Variants in KCNK9 observed in about 807,000 individuals in gnomAD.
KCNK9 encodes potassium channel subfamily K member 9.
In KCNK9, 1 loss-of-function variant was observed where a neutral mutation model predicts 10.8. The ratio of observed to expected loss-of-function variants is 0.09; its 90% CI spans 0.03 to 0.44. KCNK9 has a LOEUF of 0.44. KCNK9 is among the 20% of genes least tolerant of loss of function. The pLI is 0.97. For synonymous variants in KCNK9, 231 were observed against 222.7 expected, an observed-to-expected ratio of 1.04 and a Z score of -0.33; for missense variants, 303 against 515.0, an observed-to-expected ratio of 0.59 and a Z score of 3.98.
At chr8:139,657,117 T>A (rs1816043400) in intron 1 of KCNK9, among the ~76,000 whole-genome samples, 1 of 152,174 alleles carries the variant, frequency 6.6e-6, no homozygotes, top group Non-Finnish European at 1.5e-5. Context: ...GCTCCAAGCT[T>A]GCTGCCCTCA....
At chr8:139,679,747 A>G (rs533128133) in intron 1 of KCNK9, among the ~76,000 whole-genome samples, 1 of 152,174 alleles carries the variant, frequency 6.6e-6, no homozygotes, top group African/African-American at 2.4e-5. Context: ...CGGAAGGAGA[A>G]GCTAGAGAGG....
chr8:139,634,565 G>T (rs997789714), intron 1 of KCNK9, among the ~76,000 whole-genome samples: 3 of 152,158 alleles, frequency 2.0e-5, no homozygotes, highest in Non-Finnish European at 2.9e-5. Flanking sequence ...GATTCTCCAT[G>T]AGGGCAGGGC....
In KCNK9 at chr8:139,686,405, A is replaced by G. The variant is rs188850515; in HGVS notation, c.283+16305T>C. Among the ~76,000 whole-genome samples, 1,086 of 152,254 alleles carry G rather than the reference A, an allele frequency of 7.1e-3. 14 individuals are homozygous for G. The highest frequency in any genetic ancestry group is 0.025 in the African/African-American group (1,036 of 41,536). ...TATCCAGAATCTACAAAGAACTTAA[A>G]CAAATTTACAAGAAAAAAACAAACA... On this transcript the variant is annotated intron_variant, in intron 1 of 1. Coordinates refer to ENST00000520439, the MANE Select transcript of KCNK9 (RefSeq NM_001282534.2).
intron 1 of KCNK9, among the ~76,000 whole-genome samples, chr8:139,651,169 C>G (rs1303861135): frequency 6.6e-6 from 1 of 152,208 alleles, no homozygotes; most frequent in Non-Finnish European, 1.5e-5. Context: ...AGGAAATTCC[C>G]TCTAGCAGTT....
chr8:139,603,237 G>C (rs902869017), intron 2 of KCNK9, among the ~76,000 whole-genome samples: 4 of 152,174 alleles, frequency 2.6e-5, no homozygotes, highest in Non-Finnish European at 4.4e-5. Flanking sequence ...TCTCCCACCT[G>C]CCCCCCAATT....
intron 1 of KCNK9, among the ~76,000 whole-genome samples, chr8:139,636,781 C>A (rs1191646991): frequency 6.6e-6 from 1 of 152,152 alleles, no homozygotes; most frequent in Admixed American, 6.5e-5. Flanking sequence ...AGGTTTATGG[C>A]ATTTGAACCT....
chr8:139,633,702 G>T (rs1586648522), intron 1 of KCNK9, among the ~76,000 whole-genome samples: 1 of 152,190 alleles, frequency 6.6e-6, no homozygotes, highest in South Asian at 2.1e-4. Context: ...AAAAACCCAG[G>T]CTGCGCGAGG....
intron 1 of KCNK9, among the ~76,000 whole-genome samples, chr8:139,639,550 T>C (rs1389885943): frequency 6.6e-6 from 1 of 152,304 alleles, no homozygotes; most frequent in South Asian, 2.1e-4. Context: ...TGCAAAGCCA[T>C]TTGCCCTGCA....
rs1342805203 is a variant in KCNK9 at position 139,687,502 on chromosome 8, A to G, written c.283+15208T>C. ...TGTATACATATATACACATATATACATATATATGTATACACATATATTCAT... is the reference window on the plus strand; with the variant it reads ...TGTATACATATATACACATATATACGTATATATGTATACACATATATTCAT... On this transcript the variant is annotated intron_variant, in intron 1 of 1. Coordinates refer to ENST00000520439, the MANE Select transcript of KCNK9 (RefSeq NM_001282534.2). Among the ~76,000 whole-genome samples the G allele has an allele frequency of 6.5e-3, 245 of 37,556 alleles. 61 individuals are homozygous for G. The highest frequency in any genetic ancestry group is 0.017 in the African/African-American group (226 of 13,130). The allele number at this position is 37,556 out of a possible 152,430, so 24.6% of individuals were successfully genotyped here. A position where few individuals can be genotyped will look rare whatever the true frequency, so the allele number is the denominator to read the frequency against.
intron 1 of KCNK9, among the ~76,000 whole-genome samples, chr8:139,635,740 GA>G (rs373609957): frequency 1.3e-5 from 2 of 151,978 alleles, no homozygotes; most frequent in Middle Eastern, 3.4e-3. Flanking sequence ...AGAAGCAGGG[GA>G]AAAAAAATCA....
chr8:139,687,483 CATATAT>C lies in KCNK9; in HGVS notation c.283+15221_283+15226del, dbSNP rs1816827214. On this transcript the variant is annotated intron_variant, in intron 1 of 1. Transcript: ENST00000520439. ...ATTCATATATTCATATATATGTATA[CATATAT>C]ACACATATATACATATATATGTATA... 3.0e-5 allele frequency among the ~76,000 whole-genome samples: 2 copies of C among 66,068 alleles called. 1 individual carries two copies. Among genetic ancestry groups the C allele is most frequent in the African/African-American group, 1.1e-4 (2 of 17,616 alleles). The allele number at this position is 66,068 out of a possible 152,430, so 43.3% of individuals were successfully genotyped here.
intron 1 of KCNK9, among the ~76,000 whole-genome samples, chr8:139,688,821 C>G (rs540711635): frequency 1.0e-3 from 156 of 152,336 alleles, no homozygotes; most frequent in African/African-American, 3.6e-3. Flanking sequence ...TGAGTGACTT[C>G]TATGTGATGG....
At chr8:139,604,484 C>G (rs1817442788) in intron 2 of KCNK9, among the ~76,000 whole-genome samples, 1 of 152,146 alleles carries the variant, frequency 6.6e-6, no homozygotes, top group Non-Finnish European at 1.5e-5. Context: ...GCGGGCGCAT[C>G]TGCACGCCAT....
chr8:139,631,856 CT>C (rs1184774733), intron 1 of KCNK9, among the ~76,000 whole-genome samples: 1 of 152,108 alleles, frequency 6.6e-6, no homozygotes, highest in African/African-American at 2.4e-5. Flanking sequence ...TCAAATCAAA[CT>C]TTAATTCCTG....
intron 1 of KCNK9, among the ~76,000 whole-genome samples, chr8:139,652,597 C>T (rs982049648): frequency 5.3e-5 from 8 of 152,182 alleles, no homozygotes; most frequent in Non-Finnish European, 8.8e-5. Flanking sequence ...CTCTAAGGGC[C>T]GGATTCTCCT....
At chr8:139,650,853 A>T (rs1815841695) in intron 1 of KCNK9, among the ~76,000 whole-genome samples, 1 of 152,134 alleles carries the variant, frequency 6.6e-6, no homozygotes, top group South Asian at 2.1e-4. Flanking sequence ...TCATTCGGGG[A>T]TTCTGGAGCA....
At chr8:139,688,416 T>C (rs1368180601) in intron 1 of KCNK9, among the ~76,000 whole-genome samples, 2 of 152,154 alleles carry the variant, frequency 1.3e-5, no homozygotes, top group African/African-American at 2.4e-5. Flanking sequence ...CTTCACAAGG[T>C]GGCAGAAAAG....
At chr8:139,608,280 G>C (rs917213322), downstream of KCNK9, among the ~76,000 whole-genome samples, 3 of 152,052 alleles carry the variant, frequency 2.0e-5, no homozygotes, top group African/African-American at 7.2e-5. Flanking sequence ...CTCACACAAA[G>C]CTTCAGACAA....
intron 1 of KCNK9, among the ~76,000 whole-genome samples, chr8:139,663,255 C>T (rs534156325): frequency 1.3e-5 from 2 of 152,260 alleles, no homozygotes; most frequent in East Asian, 3.9e-4. Flanking sequence ...TCCCAGGCCA[C>T]CCAGCATCAA....
Sources: gnomAD v4.1 joint callset for allele counts (sites outside exome capture counted in the v4.1 genomes callset) on GRCh38, gnomAD v4.1.1 for gene constraint, MANE v1.5 for transcripts, NCBI Gene and HGNC (gene_info 2026-07-23, HGNC 2026-07-21) for gene names.